SDC2: variants seen among roughly 807,000 people sequenced by gnomAD.
The protein encoded by SDC2 is syndecan-2.
Under a neutral mutation model 22.2 loss-of-function variants are expected in SDC2, and 13 were observed. The observed-to-expected ratio is 0.59, with a 90% confidence interval of 0.38 to 0.93. The LOEUF (loss-of-function observed/expected upper bound fraction) is 0.93, where lower values mean the gene tolerates loss of function less well. Among genes scored for constraint, SDC2 ranks in the 40% least tolerant of loss-of-function variants. SDC2 has a pLI of 0.00. For synonymous variants in SDC2, 94 were observed against 92.8 expected (o/e 1.01, Z -0.07); for missense variants, 235 against 246.8 (o/e 0.95, Z 0.32).
At chr8:96,505,704 T>C (rs562117966) in intron 1 of SDC2, among the ~76,000 whole-genome samples, 1 of 152,326 alleles carries the variant, frequency 6.6e-6, no homozygotes, top group Non-Finnish European at 1.5e-5. Flanking sequence ...AAGAATGGTG[T>C]TTTGATTTGA....
chr8:96,594,085 T>C (rs57579856), intron 2 of SDC2, among the ~76,000 whole-genome samples: 3,695 of 152,214 alleles, frequency 0.024, 144 homozygotes, highest in African/African-American at 0.085. Flanking sequence ...AGGAGGAAAA[T>C]GCAGCAGCCA....
At chr8:96,520,431 A>G (rs2130458336) in intron 1 of SDC2, among the ~76,000 whole-genome samples, 1 of 152,282 alleles carries the variant, frequency 6.6e-6, no homozygotes, top group Admixed American at 6.5e-5. Context: ...TTGATTGTCA[A>G]AGTGATTAGA....
chr8:96,575,935 A>T (rs1196364329), intron 1 of SDC2, among the ~76,000 whole-genome samples: 1 of 152,168 alleles, frequency 6.6e-6, no homozygotes, highest in Non-Finnish European at 1.5e-5. Context: ...TTCTGCCCTT[A>T]TAAAGATGCC....
chr8:96,576,364 G>GTTT (rs1291289471), intron 1 of SDC2, among the ~76,000 whole-genome samples: 12 of 19,176 alleles, frequency 6.3e-4, no homozygotes, highest in African/African-American at 1.5e-3. Flanking sequence ...ATAATTGGTA[G>GTTT]TTTGTTTTTG....
chr8:96,580,420 A>C (rs1814571098), intron 1 of SDC2: 1 of 985,316 alleles, frequency 1.0e-6, no homozygotes, highest in Non-Finnish European at 1.2e-6. Context: ...ATAGCTCCCA[A>C]GCCTCCATAT....
At chr8:96,538,982 A>G (rs1813803401) in intron 1 of SDC2, among the ~76,000 whole-genome samples, 1 of 152,248 alleles carries the variant, frequency 6.6e-6, no homozygotes, top group Non-Finnish European at 1.5e-5. Context: ...ATTGAGTTAG[A>G]TTCATGACTG....
chr8:96,494,230 T>C lies in SDC2; in HGVS notation c.-42T>C, dbSNP rs1355882083. ...CTGGGCAGGAGGCTTCGTTTTGCCC[T>C]GGTTGCAAGCAGCGGCTGGGAGCAG... On this transcript the variant is annotated 5_prime_UTR_variant, in exon 1 of 5. Coordinates refer to ENST00000302190, the MANE Select transcript of SDC2 (RefSeq NM_002998.4). The C allele has an allele frequency of 2.0e-6, 3 of 1,537,204 alleles. No homozygotes were observed. Among genetic ancestry groups the C allele is most frequent in the Non-Finnish European group, 2.6e-6 (3 of 1,144,058 alleles).
chr8:96,586,276 T>G (rs940412449), intron 1 of SDC2: 1 of 152,244 alleles, frequency 6.6e-6, no homozygotes, highest in Non-Finnish European at 1.5e-5. Context: ...GTAGTTTCTT[T>G]AAAGGGCTTG....
intron 1 of SDC2, among the ~76,000 whole-genome samples, chr8:96,535,090 G>A (rs527395482): frequency 3.3e-5 from 5 of 151,146 alleles, no homozygotes; most frequent in South Asian, 4.2e-4. Context: ...TGCAACCTCC[G>A]CCTCCCAGGT....
At chr8:96,585,690 A>ACTGTTC (rs1252453173) in intron 1 of SDC2, among the ~76,000 whole-genome samples, 1 of 152,180 alleles carries the variant, frequency 6.6e-6, no homozygotes, top group African/African-American at 2.4e-5. Flanking sequence ...TGCACTAGGT[A>ACTGTTC]CTGTTCTGTA....
At chr8:96,584,308 TTC>T (rs1422293165) in intron 1 of SDC2, among the ~76,000 whole-genome samples, 1 of 152,246 alleles carries the variant, frequency 6.6e-6, no homozygotes, top group African/African-American at 2.4e-5. Flanking sequence ...TTTCCCATTT[TTC>T]TGTCCTGTAA....
At chr8:96,583,950 TA>T (rs573786144) in intron 1 of SDC2, among the ~76,000 whole-genome samples, 121 of 152,136 alleles carry the variant, frequency 8.0e-4, no homozygotes, top group Non-Finnish European at 1.4e-3. Context: ...AATGCAGTAG[TA>T]AACACCCTAA....
rs1165524889 is a variant in SDC2 at position 96,494,127 on chromosome 8, G to A, written c.-145G>A. On this transcript the variant is annotated 5_prime_UTR_variant, in exon 1 of 5. Transcript: ENST00000302190. ...GAGGAAGCGAGCGCCCCCGAGCCCC[G>A]AGCCCGAGTCCCCGAGCCTGAGCCG... 5.1e-6 allele frequency: 4 copies of A among 782,314 alleles called. No individual in the cohort carries two copies. Among genetic ancestry groups the A allele is most frequent in the Non-Finnish European group, 5.8e-6 (3 of 512,898 alleles). The allele number at this position is 782,314 out of a possible 1,614,324, so 48.5% of individuals were successfully genotyped here.
chr8:96,535,843 G>T (rs576763702), intron 1 of SDC2, among the ~76,000 whole-genome samples: 2 of 152,208 alleles, frequency 1.3e-5, no homozygotes, highest in African/African-American at 4.8e-5. Flanking sequence ...CTTAGAGGAT[G>T]TTGTGAATGG....
intron 1 of SDC2, among the ~76,000 whole-genome samples, chr8:96,584,557 G>T (rs148921428): frequency 2.8e-4 from 43 of 152,120 alleles, no homozygotes; most frequent in South Asian, 4.2e-4. Context: ...GCCAAACTCC[G>T]CCAGGAAACA....
intron 1 of SDC2, among the ~76,000 whole-genome samples, chr8:96,508,295 CAAATAA>C (rs1376429520): frequency 9.0e-6 from 1 of 111,272 alleles, no homozygotes; most frequent in African/African-American, 3.6e-5. Context: ...GACTCCGTCT[CAAATAA>C]TAATAATAAT....
intron 1 of SDC2, among the ~76,000 whole-genome samples, chr8:96,581,851 G>T (rs1435966946): frequency 6.6e-6 from 1 of 152,132 alleles, no homozygotes; most frequent in Non-Finnish European, 1.5e-5. Context: ...CTGTCCACAG[G>T]TTTCCTTTCC....
intron 1 of SDC2, among the ~76,000 whole-genome samples, chr8:96,522,824 C>G (rs1273099074): frequency 6.6e-6 from 1 of 152,202 alleles, no homozygotes; most frequent in East Asian, 1.9e-4. Context: ...GGTCCATGAA[C>G]TGCTTCCAAA....
At chr8:96,593,663 C>A (rs1163167299) in intron 2 of SDC2, 72 bp downstream of exon 2, 2 of 984,614 alleles carry the variant, frequency 2.0e-6, no homozygotes, top group Admixed American at 3.5e-5. Flanking sequence ...ACTGTGCTTA[C>A]TTCAAGGAGA....
Sources: gnomAD v4.1 joint callset for allele counts (sites outside exome capture counted in the v4.1 genomes callset) on GRCh38, gnomAD v4.1.1 for gene constraint, MANE v1.5 for transcripts, NCBI Gene and HGNC (gene_info 2026-07-23, HGNC 2026-07-21) for gene names.